Variants in SRRM4 observed in about 807,000 individuals in gnomAD.
The protein encoded by SRRM4 is serine/arginine repetitive matrix 4.
In SRRM4, 33 loss-of-function variants were observed where a neutral mutation model predicts 68.9. That is an observed-to-expected ratio of 0.48 (90% CI 0.36 to 0.64). The LOEUF (loss-of-function observed/expected upper bound fraction) is 0.64, where lower values mean the gene tolerates loss of function less well. SRRM4 is among the 30% of genes least tolerant of loss of function. The probability of loss-of-function intolerance (pLI) is 0.00; values close to 1 mark genes in which losing one functional copy is unlikely to be tolerated. For synonymous variants in SRRM4, 318 were observed against 318.8 expected (o/e 1.00, Z 0.03); for missense variants, 817 against 827.1 (o/e 0.99, Z 0.15).
chr12:119,082,788 G>T (rs1953956822), intron 1 of SRRM4, among the ~76,000 whole-genome samples: 1 of 152,200 alleles, frequency 6.6e-6, no homozygotes, highest in Non-Finnish European at 1.5e-5. Flanking sequence ...TGTCAGAAAA[G>T]CAGGGCTCTG....
chr12:119,096,223 G>A (rs772775418), intron 1 of SRRM4, among the ~76,000 whole-genome samples: 14 of 148,968 alleles, frequency 9.4e-5, no homozygotes, highest in Non-Finnish European at 1.5e-4. Flanking sequence ...TAGCAGTGAC[G>A]GGGTTTCACT....
intron 1 of SRRM4, among the ~76,000 whole-genome samples, chr12:119,097,304 G>A (rs938718720): frequency 6.6e-6 from 1 of 152,202 alleles, no homozygotes; most frequent in Non-Finnish European, 1.5e-5. Context: ...CCACTGCAGC[G>A]TTGAGTGACC....
chr12:119,108,356 T>C (rs1459421911), intron 2 of SRRM4, among the ~76,000 whole-genome samples: 1 of 152,188 alleles, frequency 6.6e-6, no homozygotes, highest in African/African-American at 2.4e-5. Context: ...CTGAGTTCAA[T>C]TCCTGGATAT....
At chr12:119,016,994 T>C (rs1953485926) in intron 1 of SRRM4, among the ~76,000 whole-genome samples, 1 of 152,246 alleles carries the variant, frequency 6.6e-6, no homozygotes. Flanking sequence ...TGAGATGATA[T>C]TTGTAAATAC....
chr12:119,147,466 G>A (rs1390176003), intron 9 of SRRM4, among the ~76,000 whole-genome samples: 2 of 152,182 alleles, frequency 1.3e-5, no homozygotes, highest in African/African-American at 4.8e-5. Flanking sequence ...TAGACTCTGG[G>A]TGATAATGAT....
At chr12:119,125,694 G>T (rs942606013) in intron 7 of SRRM4, among the ~76,000 whole-genome samples, 2 of 151,952 alleles carry the variant, frequency 1.3e-5, no homozygotes, top group African/African-American at 4.8e-5. Context: ...GGCCGAGGTG[G>T]CCAAATTATG....
intron 1 of SRRM4, among the ~76,000 whole-genome samples, chr12:119,048,846 C>T (rs953701412): frequency 1.3e-5 from 2 of 152,136 alleles, no homozygotes; most frequent in African/African-American, 4.8e-5. Context: ...ATCACTTGAA[C>T]CCAGGAGGCA....
chr12:119,087,178 G>T (rs1953984310), intron 1 of SRRM4, among the ~76,000 whole-genome samples: 1 of 152,158 alleles, frequency 6.6e-6, no homozygotes, highest in African/African-American at 2.4e-5. Context: ...ATTGATCATT[G>T]TACCAGCCTC....
chr12:119,029,039 CA>C (rs1021042181), intron 1 of SRRM4, among the ~76,000 whole-genome samples: 8 of 152,102 alleles, frequency 5.3e-5, no homozygotes, highest in African/African-American at 1.9e-4. Context: ...GCCACCACTG[CA>C]AAAAGCACAC....
chr12:119,077,174 C>A lies in SRRM4; in HGVS notation c.132-25062C>A, dbSNP rs574315599. Among the ~76,000 whole-genome samples the A allele has an allele frequency of 3.3e-5, 5 of 152,280 alleles. No homozygotes were observed. The East Asian group carries it at 9.6e-4, about 29-fold the overall frequency. On this transcript the variant is annotated intron_variant, in intron 1 of 12. Transcript: ENST00000267260. Reference sequence around the variant, plus strand: ...TATGTTGAAAGCTACTGGGTCCCTACCTACAGAATGGCAATAAAATTCTCA... The same window carrying A: ...TATGTTGAAAGCTACTGGGTCCCTAACTACAGAATGGCAATAAAATTCTCA...
intron 8 of SRRM4, among the ~76,000 whole-genome samples, chr12:119,135,288 T>A (rs11064679): frequency 0.69 from 104,078 of 151,896 alleles, 35,793 homozygotes; most frequent in South Asian, 0.74. Flanking sequence ...CAGAGAGGAA[T>A]TCTAGAAGGA....
At chr12:119,156,437 C>G in intron 12 of SRRM4, 58 bp from the exon 13 acceptor site, 2 of 1,509,458 alleles carry the variant, frequency 1.3e-6, no homozygotes, top group Non-Finnish European at 1.8e-6. Context: ...GACTGGGGCT[C>G]GCTGCGGGGA....
intron 7 of SRRM4, among the ~76,000 whole-genome samples, chr12:119,128,899 G>A (rs1954276860): frequency 6.6e-6 from 1 of 152,228 alleles, no homozygotes; most frequent in African/African-American, 2.4e-5. Context: ...TCCTGATGGT[G>A]TTGGCATCTG....
At chr12:119,146,547 T>C (rs1954403242) in intron 9 of SRRM4, among the ~76,000 whole-genome samples, 2 of 150,230 alleles carry the variant, frequency 1.3e-5, no homozygotes, top group African/African-American at 4.9e-5. Flanking sequence ...GATTGTACCA[T>C]TGCACTCCAG....
At chr12:119,047,122 G>T (rs116568506) in intron 1 of SRRM4, among the ~76,000 whole-genome samples, 1,688 of 151,664 alleles carry the variant, frequency 0.011, 30 homozygotes, top group African/African-American at 0.039. Context: ...GATAATCTTG[G>T]GAAAATCTCT....
rs937589957 is a variant in SRRM4 at position 119,045,371 on chromosome 12, A to G, written c.132-56865A>G. 2.0e-5 allele frequency among the ~76,000 whole-genome samples: 3 copies of G among 151,096 alleles called. No individual in the cohort carries two copies. The South Asian group carries it at 6.3e-4, about 32-fold the overall frequency. On this transcript the variant is annotated intron_variant, in intron 1 of 12. Coordinates refer to ENST00000267260, the MANE Select transcript of SRRM4 (RefSeq NM_194286.4). The stretch of plus-strand genomic sequence containing the variant: ...AATTTTAACAGTATCTTTGATGAAA[A>G]CGCCTCCCTTCCATAAGGAGAAAGG...
At chr12:119,046,399 A>T (rs1953707502) in intron 1 of SRRM4, among the ~76,000 whole-genome samples, 1 of 152,194 alleles carries the variant, frequency 6.6e-6, no homozygotes. Flanking sequence ...CTGGGTTTGG[A>T]TTCCAACTAT....
At chr12:119,121,868 C>T (rs1429086109) in intron 5 of SRRM4, among the ~76,000 whole-genome samples, 1 of 152,204 alleles carries the variant, frequency 6.6e-6, no homozygotes, top group Non-Finnish European at 1.5e-5. Flanking sequence ...ACACTCCATC[C>T]TCAACATATG....
rs538151654 is a variant in SRRM4 at position 119,069,450 on chromosome 12, C to T, written c.132-32786C>T. Reference sequence around the variant, plus strand: ...GGATTTAGATGATTAAAATATAATCCTAGCAGCTGGAGGCCACAGCATCAG... The same window carrying T: ...GGATTTAGATGATTAAAATATAATCTTAGCAGCTGGAGGCCACAGCATCAG... On this transcript the variant is annotated intron_variant, in intron 1 of 12. Transcript: ENST00000267260. 5.9e-5 allele frequency among the ~76,000 whole-genome samples: 9 copies of T among 152,272 alleles called. No individual in the cohort carries two copies. The South Asian group carries it at 1.9e-3, about 32-fold the overall frequency.
Sources: allele counts gnomAD v4.1 joint callset (sites outside exome capture counted in the v4.1 genomes callset), GRCh38; gene constraint gnomAD v4.1.1; transcripts MANE v1.5; gene names NCBI Gene and HGNC (gene_info 2026-07-23, HGNC 2026-07-21).